The following CACNG3 variants were observed in gnomAD, a reference collection of about 807,000 sequenced individuals.
CACNG3 encodes the protein voltage-dependent calcium channel gamma-3 subunit.
Under a neutral mutation model 28.5 loss-of-function variants are expected in CACNG3, and 3 were observed. The ratio of observed to expected loss-of-function variants is 0.11; its 90% CI spans 0.05 to 0.27. The LOEUF (loss-of-function observed/expected upper bound fraction) is 0.27, where lower values mean the gene tolerates loss of function less well. Among genes scored for constraint, CACNG3 ranks in the 10% least tolerant of loss-of-function variants. The pLI is 1.00. For synonymous variants in CACNG3, 174 were observed against 162.2 expected, an observed-to-expected ratio of 1.07 and a Z score of -0.55; for missense variants, 236 against 414.4, an observed-to-expected ratio of 0.57 and a Z score of 3.74.
chr16:24,269,530 T>C (rs1032023718), intron 1 of CACNG3, among the ~76,000 whole-genome samples: 2 of 151,978 alleles, frequency 1.3e-5, no homozygotes, highest in African/African-American at 2.4e-5. Context: ...GGTGGGTGGA[T>C]CGCTTCAGGA....
At chr16:24,312,949 A>AAG (rs769180108) in intron 1 of CACNG3, among the ~76,000 whole-genome samples, 4 of 95,114 alleles carry the variant, frequency 4.2e-5, no homozygotes, top group Admixed American at 3.0e-4. Flanking sequence ...GAAAGAAAGA[A>AAG]AGAAAGAGAA....
intron 3 of CACNG3, among the ~76,000 whole-genome samples, chr16:24,355,956 G>A (rs1044417726): frequency 6.6e-6 from 1 of 152,164 alleles, no homozygotes; most frequent in African/African-American, 2.4e-5. Context: ...AGGATGCTGA[G>A]AGACAACTTT....
In CACNG3 at chr16:24,361,419, C is replaced by T; in HGVS notation, c.504C>T (p.Asp168=). ...SANAGDPGQR[D]SKKSYSYGWS... ...ACGCCGGAGACCCCGGGCAGCGTGA[C>T]TCCAAAAAAAGTTACTCCTATGGTT... Residue 168 remains aspartate (D), a synonymous_variant, in exon 4 of 4, where the codon GAC becomes GAT. Coordinates refer to ENST00000005284, the MANE Select transcript of CACNG3 (RefSeq NM_006539.4). This position sits in a 1 kb window ranked among gnomAD's most constrained non-coding sequence, Gnocchi z 6.8. 1 of 1,613,918 alleles carries T rather than the reference C, an allele frequency of 6.2e-7. No individual in the cohort carries two copies. The highest frequency in any genetic ancestry group is 8.5e-7 in the Non-Finnish European group (1 of 1,179,908).
intron 1 of CACNG3, among the ~76,000 whole-genome samples, chr16:24,344,328 G>T (rs1181315960): frequency 6.6e-6 from 1 of 151,690 alleles, no homozygotes; most frequent in Non-Finnish European, 1.5e-5. Context: ...AGAATCGCTT[G>T]AACCTGGGAG....
intron 1 of CACNG3, among the ~76,000 whole-genome samples, chr16:24,322,140 G>A (rs527464129): frequency 1.3e-5 from 2 of 152,264 alleles, no homozygotes; most frequent in South Asian, 4.1e-4. Context: ...GAGCAGGGAA[G>A]AGCCTGGAAC....
intron 2 of CACNG3, 30 bp from the exon 3 acceptor site, chr16:24,354,803 A>G: frequency 6.2e-7 from 1 of 1,604,690 alleles, no homozygotes; most frequent in Non-Finnish European, 8.5e-7. Flanking sequence ...GGCTGGGCAC[A>G]GGCAGAAGCC....
chr16:24,321,460 A>AATAT (rs1395388072), intron 1 of CACNG3, among the ~76,000 whole-genome samples: 1 of 152,182 alleles, frequency 6.6e-6, no homozygotes, highest in Non-Finnish European at 1.5e-5. Context: ...TAAATAAATA[A>AATAT]ATAAAAATAA....
At chr16:24,345,560 C>G (rs1297321634) in intron 1 of CACNG3, among the ~76,000 whole-genome samples, 2 of 152,096 alleles carry the variant, frequency 1.3e-5, no homozygotes, top group Admixed American at 1.3e-4. Context: ...ATTAGCCGGG[C>G]ATGGTGGCAG....
intron 1 of CACNG3, among the ~76,000 whole-genome samples, chr16:24,266,968 CTT>C (rs750145274): frequency 1.9e-4 from 26 of 137,290 alleles, no homozygotes; most frequent in East Asian, 4.2e-4. Flanking sequence ...TTTTTAATTT[CTT>C]TTTTTTTTTT....
intron 2 of CACNG3, among the ~76,000 whole-genome samples, chr16:24,353,625 G>A (rs1315303181): frequency 2.0e-5 from 3 of 152,152 alleles, no homozygotes; most frequent in Non-Finnish European, 2.9e-5. Flanking sequence ...GCGCCCTTGT[G>A]GTGGTTAAAC....
intron 1 of CACNG3, among the ~76,000 whole-genome samples, chr16:24,311,945 C>A (rs1033087228): frequency 6.6e-6 from 1 of 152,224 alleles, no homozygotes; most frequent in African/African-American, 2.4e-5. Flanking sequence ...GTCCACAGAC[C>A]AGGGTATTTC....
chr16:24,335,002 G>T (rs1056722504), intron 1 of CACNG3, among the ~76,000 whole-genome samples: 6 of 152,106 alleles, frequency 3.9e-5, no homozygotes, highest in African/African-American at 1.2e-4. Context: ...ATTAATAACT[G>T]CCCCCTGTTA....
At chr16:24,315,553 CTTCT>C (rs1244877082) in intron 1 of CACNG3, among the ~76,000 whole-genome samples, 11 of 127,972 alleles carry the variant, frequency 8.6e-5, no homozygotes, top group South Asian at 5.1e-4. Flanking sequence ...TTTTTCTTTT[CTTCT>C]TTCTTTCTTT....
Position 24,306,972 on chromosome 16 carries a change from C to T in CACNG3, c.212-39762C>T, listed in dbSNP as rs540419852. On this transcript the variant is annotated intron_variant, in intron 1 of 3. Transcript: ENST00000005284. Reference sequence around the variant, plus strand: ...ACACAACTGATTCACAGTTGAGTGCCGCTCCGGGTACTGCTCTCAGCACAA... The same window carrying T: ...ACACAACTGATTCACAGTTGAGTGCTGCTCCGGGTACTGCTCTCAGCACAA... 1.1e-4 allele frequency among the ~76,000 whole-genome samples: 17 copies of T among 152,248 alleles called. No homozygotes were observed. The South Asian group carries it at 2.7e-3, about 24-fold the overall frequency.
intron 1 of CACNG3, among the ~76,000 whole-genome samples, chr16:24,303,458 G>A (rs1899141234): frequency 6.6e-6 from 1 of 152,030 alleles, no homozygotes; most frequent in Non-Finnish European, 1.5e-5. Context: ...CTAAAGTGCT[G>A]GGACTGCAGG....
In CACNG3 at chr16:24,322,164, C is replaced by A. The variant is rs899222216; in HGVS notation, c.212-24570C>A. 2.0e-5 allele frequency among the ~76,000 whole-genome samples: 3 copies of A among 152,250 alleles called. No homozygotes were observed. In the East Asian group the frequency reaches 5.8e-4, roughly 29 times the overall value. On this transcript the variant is annotated intron_variant, in intron 1 of 3. Coordinates refer to ENST00000005284, the MANE Select transcript of CACNG3 (RefSeq NM_006539.4). ...AGAGCCTGGAACTCAGACATAGCCA[C>A]CCTCACCCCCACCCTGTGCCCCGCT...
chr16:24,356,789 T>C (rs1900038329), intron 3 of CACNG3, among the ~76,000 whole-genome samples: 2 of 152,122 alleles, frequency 1.3e-5, no homozygotes, highest in Admixed American at 6.5e-5. Context: ...ACACTGCTAA[T>C]AAAGACATAC....
intron 1 of CACNG3, among the ~76,000 whole-genome samples, chr16:24,279,563 C>G (rs1232814225): frequency 6.6e-6 from 1 of 152,114 alleles, no homozygotes; most frequent in African/African-American, 2.4e-5. Context: ...CCTCAGCCTC[C>G]CAGAGTGCTG....
intron 1 of CACNG3, among the ~76,000 whole-genome samples, chr16:24,275,187 C>T (rs1277246374): frequency 7.9e-6 from 1 of 127,316 alleles, no homozygotes; most frequent in Admixed American, 8.1e-5. Flanking sequence ...CAGCAAGACT[C>T]CATCTCCAAA....
Sources: allele counts gnomAD v4.1 joint callset (sites outside exome capture counted in the v4.1 genomes callset), GRCh38; gene constraint gnomAD v4.1.1; non-coding constraint Gnocchi (gnomAD v3.1); transcripts MANE v1.5; gene names NCBI Gene and HGNC (gene_info 2026-07-23, HGNC 2026-07-21).